Variants in JAG2 observed in about 807,000 individuals in gnomAD.
JAG2 encodes jagged canonical Notch ligand 2, also known as protein jagged-2.
A neutral mutation model predicts 141.7 loss-of-function variants in JAG2; 46 were observed. The ratio of observed to expected loss-of-function variants is 0.32; its 90% CI spans 0.26 to 0.42. The LOEUF is 0.42. JAG2 is among the 10% of genes least tolerant of loss of function. The probability of loss-of-function intolerance (pLI) is 1.00; values close to 1 mark genes in which losing one functional copy is unlikely to be tolerated. For missense variants in JAG2, 1,500 were observed against 1,817.5 expected, an observed-to-expected ratio of 0.83 and a Z score of 3.18; for synonymous variants, 862 against 763.5, an observed-to-expected ratio of 1.13 and a Z score of -2.13.
chr14:105,165,316 C>T (rs1490972073), intron 2 of JAG2, among the ~76,000 whole-genome samples: 2 of 152,260 alleles, frequency 1.3e-5, no homozygotes, highest in African/African-American at 4.8e-5. Context: ...TCCATCACCA[C>T]CTGCCATGCC....
At chr14:105,147,985 C>A (rs587669069) in intron 17 of JAG2, 97 bp from the exon 18 acceptor site, 3 of 1,189,306 alleles carry the variant, frequency 2.5e-6, no homozygotes, top group African/African-American at 3.0e-5. Context: ...CAGACAGACC[C>A]GGGGGCAGGG....
intron 2 of JAG2, among the ~76,000 whole-genome samples, chr14:105,162,873 T>G (rs587719330): frequency 1.2e-3 from 186 of 151,138 alleles, no homozygotes; most frequent in Non-Finnish European, 1.4e-3. Context: ...CCCAGGGTAC[T>G]CCAAATGCCA....
At position 105,143,680 on chromosome 14, in the gene JAG2, C is replaced by T. The variant is rs1466005908; in HGVS notation, c.3085-42G>A. Reference sequence around the variant, plus strand: ...CATTGTGGGGATGGCTCGAGGGCTCCAGGCTCCCAGCAGCCTGCCCCCAAC... The same window carrying T: ...CATTGTGGGGATGGCTCGAGGGCTCTAGGCTCCCAGCAGCCTGCCCCCAAC... On this transcript the variant is annotated intron_variant, in intron 24 of 25. Coordinates refer to ENST00000331782, the MANE Select transcript of JAG2 (RefSeq NM_002226.5). 5.0e-6 allele frequency: 8 copies of T among 1,596,766 alleles called. No homozygotes were observed. The Admixed American group carries it at 5.0e-5, about 10-fold the overall frequency.
chr14:105,149,333 G>C lies in JAG2; in HGVS notation c.1603-13C>G. 2 of 1,612,546 alleles carry C rather than the reference G, an allele frequency of 1.2e-6. No homozygotes were observed. Among genetic ancestry groups the C allele is most frequent in the Non-Finnish European group, 1.7e-6 (2 of 1,179,930 alleles). On this transcript the variant is annotated splice_polypyrimidine_tract_variant and intron_variant, in intron 12 of 25. Transcript: ENST00000331782. The stretch of plus-strand genomic sequence containing the variant: ...GGTCGACATCCACCTGCAGGGTGGG[G>C]GGTGCCTGTGAGAGCCTAGGCCCAG...
rs1307368480 is a variant in JAG2, at chr14:105,155,898, G to A, written c.567C>T (p.His189=). 6.2e-7 allele frequency: 1 copy of A among 1,612,076 alleles called. No individual in the cohort carries two copies. Among genetic ancestry groups the A allele is most frequent in the South Asian group, 1.1e-5 (1 of 90,994 alleles). Residue 189 remains histidine, a synonymous_variant, in exon 4 of 26, where the codon CAC becomes CAT. Coordinates refer to ENST00000331782, the MANE Select transcript of JAG2 (RefSeq NM_002226.5). ...AGCGCACGCGGATCTGCAGCTCCAG[G>A]TGCGCCACGTGGCCGCTGAAGTGCA... ...KSLHFSGHVA[H]LELQIRVRCD...
rs950822528 is a variant in JAG2 at position 105,142,487 on chromosome 14, C to T, written c.*208G>A. 1.9e-5 allele frequency: 11 copies of T among 579,032 alleles called. No individual in the cohort carries two copies. Among genetic ancestry groups the T allele is most frequent in the Non-Finnish European group, 2.1e-5 (7 of 326,644 alleles). The allele number at this position is 579,032 out of a possible 1,614,324, so 35.9% of individuals were successfully genotyped here. On this transcript the variant is annotated 3_prime_UTR_variant, in exon 26 of 26. Transcript: ENST00000331782. Reference sequence around the variant, plus strand: ...AAACTTTACAAAAATAGCAACTATCCGAGAATACTCCATTGTTTTCAGCCT... The same window carrying T: ...AAACTTTACAAAAATAGCAACTATCTGAGAATACTCCATTGTTTTCAGCCT...
Position 105,151,689 on chromosome 14 carries a change from C to G in JAG2, c.1090G>C (p.Glu364Gln), listed in dbSNP as rs760917923. Residue 364 changes from glutamate (E) to glutamine (Q), a missense_variant, in exon 8 of 26, where the codon GAG (glutamate) becomes CAG (glutamine). By Grantham distance (29) the Glu-to-Gln change is conservative. This residue lies in a region of JAG2 where 875 missense variants were observed against 1,202.2 expected (regional missense o/e 0.73). Coordinates refer to ENST00000331782, the MANE Select transcript of JAG2 (RefSeq NM_002226.5). ...NPCANGGSCHEVPSGFECHCP... is the reference protein window; with the variant it reads ...NPCANGGSCHQVPSGFECHCP... ...TGGCATTCGAAGCCGGACGGCACCT[C>G]ATGGCAAGAGCCCCCGTTGGCACAC... 1 of 1,611,546 alleles carries G rather than the reference C, an allele frequency of 6.2e-7. No individual in the cohort carries two copies. Among genetic ancestry groups the G allele is most frequent in the South Asian group, 1.1e-5 (1 of 90,716 alleles).
Position 105,167,500 on chromosome 14 carries a change from ACCGCCGCGCACGCGGGACG to A in JAG2, c.417+238_417+256del, listed in dbSNP as rs1415922729. Among the ~76,000 whole-genome samples, 1 of 149,074 alleles carries A rather than the reference ACCGCCGCGCACGCGGGACG, an allele frequency of 6.7e-6. No individual in the cohort carries two copies. The highest frequency in any genetic ancestry group is 6.6e-5 in the Admixed American group (1 of 15,052). On this transcript the variant is annotated intron_variant, in intron 2 of 25. Coordinates refer to ENST00000331782, the MANE Select transcript of JAG2 (RefSeq NM_002226.5). The surrounding 1 kb of genome is among the most constrained non-coding windows in gnomAD (Gnocchi z 4.8). ...AGGGCGACGCAGGCACACGCCGCAC[ACCGCCGCGCACGCGGGACG>A]CCGCCGCCCCGCCCCCGCCGCGACC...
rs1445122641 is a variant in JAG2 at position 105,142,960 on chromosome 14, C to A, written c.3452G>T (p.Cys1151Phe). The change falls in exon 26 of 26, where the codon TGC becomes TTC. Residue 1151 changes from cysteine to phenylalanine, a missense_variant. Physicochemically the swap from Cys to Phe is radical, Grantham distance 205. Transcript: ENST00000331782. ...GCGCGGCGGCGGCGTGAAGTTCTTG[C>A]ACTGGTAGAGCACGTCCTTGTGGCC... is the stretch of plus-strand genomic sequence containing the variant. ...PGGHKDVLYQCKNFTPPPRRA... is the reference protein window; with the variant it reads ...PGGHKDVLYQFKNFTPPPRRA... 1.2e-5 allele frequency: 20 copies of A among 1,610,216 alleles called. No homozygotes were observed. Among genetic ancestry groups the A allele is most frequent in the Non-Finnish European group, 1.7e-5 (20 of 1,178,848 alleles).
chr14:105,146,059 C>A lies in JAG2; in HGVS notation c.2710-86G>T, dbSNP rs1052493043. ...ACAGATGAGAACCCACAGGCAGGCA[C>A]GGGCCCCATGCCAAGGAGGGACACC... is the stretch of plus-strand genomic sequence containing the variant. On this transcript the variant is annotated intron_variant, in intron 22 of 25. Transcript: ENST00000331782. 1.8e-5 allele frequency: 28 copies of A among 1,536,228 alleles called. No individual in the cohort carries two copies. The Admixed American group carries it at 5.0e-4, about 28-fold the overall frequency.
At chr14:105,161,377 G>C (rs780850256) in intron 2 of JAG2, among the ~76,000 whole-genome samples, 10 of 152,136 alleles carry the variant, frequency 6.6e-5, no homozygotes, top group Non-Finnish European at 1.5e-4. Context: ...GGCAGGCAGA[G>C]AAAAGCCAGG....
intron 2 of JAG2, among the ~76,000 whole-genome samples, chr14:105,163,250 GGAA>G (rs1043228595): frequency 6.6e-6 from 1 of 152,218 alleles, no homozygotes; most frequent in African/African-American, 2.4e-5. Context: ...CCCGAGGCAG[GGAA>G]GAAGGGGTGG....
chr14:105,143,510 C>T lies in JAG2; in HGVS notation c.3213G>A (p.Glu1071=). ...LLLAVTEVKV[E]TVVTGGSSTG... is the part of the protein sequence containing the mutation. ...TGGAAGAGCCGCCCGTAACAACCGT[C>T]TCCACCTTGACCTCGGTGACAGCCA... The change falls in exon 25 of 26, where the codon GAG becomes GAA. Residue 1071 remains glutamate, a synonymous_variant. Coordinates refer to ENST00000331782, the MANE Select transcript of JAG2 (RefSeq NM_002226.5). The T allele has an allele frequency of 1.3e-6, 2 of 1,572,788 alleles. No homozygotes were observed. Among genetic ancestry groups the T allele is most frequent in the Non-Finnish European group, 1.7e-6 (2 of 1,161,460 alleles).
chr14:105,144,910 G>C lies in JAG2; in HGVS notation c.3084+20C>G, dbSNP rs1888176434. Reference sequence around the variant, plus strand: ...GGGACCCAGGGCCCACCCAGGTGCTGCTCCCCACTGGGCACTCACCACGGC... The same window carrying C: ...GGGACCCAGGGCCCACCCAGGTGCTCCTCCCCACTGGGCACTCACCACGGC... On this transcript the variant is annotated intron_variant, in intron 24 of 25. Transcript: ENST00000331782. 5.0e-6 allele frequency: 8 copies of C among 1,595,964 alleles called. No individual in the cohort carries two copies. Among genetic ancestry groups the C allele is most frequent in the Non-Finnish European group, 6.8e-6 (8 of 1,175,736 alleles).
At chr14:105,144,819 G>A (rs1243725827) in intron 24 of JAG2, 111 bp downstream of exon 24, 8 of 1,402,868 alleles carry the variant, frequency 5.7e-6, no homozygotes, top group Non-Finnish European at 7.8e-6. Flanking sequence ...CCTGCCCGCA[G>A]TCCTTCCGCA....
chr14:105,147,165 C>T, intron 20 of JAG2, 161 bp downstream of exon 20: 1 of 683,848 alleles, frequency 1.5e-6, no homozygotes, highest in South Asian at 1.7e-5. Flanking sequence ...GCAGGAACCC[C>T]ACAGGGCACA....
intron 9 of JAG2, 38 bp downstream of exon 9, chr14:105,151,245 G>T: frequency 2.5e-6 from 3 of 1,197,562 alleles, no homozygotes; most frequent in South Asian, 1.2e-5. Flanking sequence ...GCCCGCATGC[G>T]CGGCCCACGT....
chr14:105,153,098 G>A (rs1350861220), intron 5 of JAG2, among the ~76,000 whole-genome samples: 1 of 152,164 alleles, frequency 6.6e-6, no homozygotes, highest in Non-Finnish European at 1.5e-5. Flanking sequence ...GGGACTCCCG[G>A]GGGGCCCTTC....
At chr14:105,149,753 C>T (rs949549532) in intron 12 of JAG2, among the ~76,000 whole-genome samples, 1 of 146,986 alleles carries the variant, frequency 6.8e-6, no homozygotes, top group Non-Finnish European at 1.5e-5. Context: ...GGAGGCCCAT[C>T]CTCTGCACCA....
Sources: allele counts gnomAD v4.1 joint callset (sites outside exome capture counted in the v4.1 genomes callset), GRCh38; gene constraint gnomAD v4.1.1; regional missense constraint gnomAD v4.1.1; non-coding constraint Gnocchi (gnomAD v3.1); transcripts MANE v1.5; gene names NCBI Gene and HGNC (gene_info 2026-07-23, HGNC 2026-07-21).